DEPDC5: variants seen among roughly 807,000 people sequenced by gnomAD.
DEPDC5 encodes DEP domain containing 5, GATOR1 subcomplex subunit.
In DEPDC5, 73 loss-of-function variants were observed where a neutral mutation model predicts 217.3. The observed-to-expected ratio is 0.34, with a 90% CI of 0.28 to 0.41. The LOEUF (loss-of-function observed/expected upper bound fraction) is 0.41. DEPDC5 is among the 10% of genes least tolerant of loss of function. DEPDC5 has a pLI of 1.00. For synonymous variants in DEPDC5, 733 were observed against 756.7 expected (o/e 0.97, Z 0.51); for missense variants, 1,675 against 2,070.1 (o/e 0.81, Z 3.70).
chr22:31,764,560 C>T (rs1234580895), intron 4 of DEPDC5, among the ~76,000 whole-genome samples: 3 of 151,984 alleles, frequency 2.0e-5, no homozygotes, highest in East Asian at 1.9e-4. Flanking sequence ...GGATTACAGG[C>T]GCCCACCATC....
chr22:31,780,185 A>T (rs2148352884), intron 8 of DEPDC5, among the ~76,000 whole-genome samples: 1 of 152,284 alleles, frequency 6.6e-6, no homozygotes, highest in Non-Finnish European at 1.5e-5. Flanking sequence ...CTAGCAAGAA[A>T]ATGGTGGTGT....
chr22:31,834,705 C>T (rs1350527579), intron 25 of DEPDC5, among the ~76,000 whole-genome samples: 2 of 152,038 alleles, frequency 1.3e-5, no homozygotes, highest in East Asian at 1.9e-4. Flanking sequence ...TTAGTAGAGA[C>T]GGGGTTTCAC....
intron 38 of DEPDC5, among the ~76,000 whole-genome samples, chr22:31,886,576 A>G (rs750339532): frequency 6.6e-6 from 1 of 151,808 alleles, no homozygotes; most frequent in Non-Finnish European, 1.5e-5. Flanking sequence ...CCTGGCCAAC[A>G]TGGTGAAACC....
intron 24 of DEPDC5, among the ~76,000 whole-genome samples, chr22:31,830,871 C>T (rs1387801309): frequency 6.6e-6 from 1 of 151,714 alleles, no homozygotes; most frequent in East Asian, 1.9e-4. Flanking sequence ...AATGAGCAAA[C>T]TTGGCAGCCA....
At chr22:31,809,476 G>A (rs2087982336) in intron 18 of DEPDC5, 135 bp from the exon 19 acceptor site, 2 of 843,056 alleles carry the variant, frequency 2.4e-6, no homozygotes, top group Non-Finnish European at 3.9e-6. Context: ...TGGTAGGTAG[G>A]TGTCAGATGT....
chr22:31,834,049 C>G (rs756436469), intron 25 of DEPDC5, 69 bp downstream of exon 25: 1 of 1,483,132 alleles, frequency 6.7e-7, no homozygotes, highest in South Asian at 1.1e-5. Context: ...CATGAGGAAA[C>G]AAGAGGAAGC....
At chr22:31,831,173 T>A (rs1452315873) in intron 24 of DEPDC5, 1 of 152,142 alleles carries the variant, frequency 6.6e-6, no homozygotes, top group African/African-American at 2.4e-5. Context: ...ATCTGTAAAG[T>A]TGAGCAGAAA....
At chr22:31,756,158 C>T (rs955846759) in intron 2 of DEPDC5, among the ~76,000 whole-genome samples, 4 of 151,470 alleles carry the variant, frequency 2.6e-5, no homozygotes, top group East Asian at 1.9e-4. Flanking sequence ...GCTAGGATTA[C>T]AGGCAAGAGC....
At chr22:31,879,045 T>A (rs13056191) in intron 37 of DEPDC5, among the ~76,000 whole-genome samples, 32,810 of 91,220 alleles carry the variant, frequency 0.36, 5,854 homozygotes, top group African/African-American at 0.55. Flanking sequence ...AAAAAAAAAA[T>A]ATATATATAT....
At chr22:31,809,485 G>A (rs1236455375) in intron 18 of DEPDC5, 126 bp from the exon 19 acceptor site, 2 of 995,494 alleles carry the variant, frequency 2.0e-6, no homozygotes, top group Admixed American at 1.9e-5. Flanking sequence ...GGTGTCAGAT[G>A]TTAGCTCCTG....
rs1056782879 is a variant in DEPDC5 at position 31,801,906 on chromosome 22, A to C, written c.947-798A>C. ...GGAATATCACTGATTTTTCATAGTAAGAATCATAGAGGCTAGAAATAAAAA... is the reference window on the plus strand; with the variant it reads ...GGAATATCACTGATTTTTCATAGTACGAATCATAGAGGCTAGAAATAAAAA... On this transcript the variant is annotated intron_variant, in intron 14 of 42. Coordinates refer to ENST00000651528, the MANE Select transcript of DEPDC5 (RefSeq NM_001242896.3). 2.0e-5 allele frequency among the ~76,000 whole-genome samples: 3 copies of C among 152,016 alleles called. No individual in the cohort carries two copies. In the East Asian group the frequency reaches 5.8e-4, roughly 29 times the overall value.
intron 5 of DEPDC5, among the ~76,000 whole-genome samples, chr22:31,765,448 C>T (rs544464151): frequency 8.5e-5 from 13 of 152,212 alleles, no homozygotes; most frequent in African/African-American, 3.1e-4. Flanking sequence ...CACCACCGCA[C>T]CCAGCTAATT....
chr22:31,808,560 G>A (rs868147058), intron 18 of DEPDC5, among the ~76,000 whole-genome samples: 7 of 152,256 alleles, frequency 4.6e-5, no homozygotes, highest in Middle Eastern at 6.8e-3. Context: ...TCAGCCTCCA[G>A]AGAAGCTGGG....
intron 7 of DEPDC5, among the ~76,000 whole-genome samples, chr22:31,773,218 TC>T (rs1278645378): frequency 6.6e-6 from 1 of 152,184 alleles, no homozygotes; most frequent in Non-Finnish European, 1.5e-5. Context: ...GAGATGGGCT[TC>T]CTCTATCGCC....
chr22:31,768,539 T>C (rs1601666984), intron 6 of DEPDC5, among the ~76,000 whole-genome samples: 1 of 152,226 alleles, frequency 6.6e-6, no homozygotes, highest in Non-Finnish European at 1.5e-5. Flanking sequence ...AGGATATTTG[T>C]AAAGCTGGTC....
intron 37 of DEPDC5, among the ~76,000 whole-genome samples, chr22:31,877,935 C>G (rs2093051122): frequency 6.6e-6 from 1 of 152,030 alleles, no homozygotes; most frequent in African/African-American, 2.4e-5. Context: ...CGCCTGTAAT[C>G]TCAGCACTTT....
chr22:31,876,593 C>G (rs2092997801), intron 37 of DEPDC5, among the ~76,000 whole-genome samples: 1 of 152,090 alleles, frequency 6.6e-6, no homozygotes, highest in Non-Finnish European at 1.5e-5. Context: ...CCCACCCAGC[C>G]CAGGTGGTTC....
chr22:31,861,020 G>A (rs1287193727), intron 32 of DEPDC5, among the ~76,000 whole-genome samples: 1 of 152,072 alleles, frequency 6.6e-6, no homozygotes, highest in Admixed American at 6.6e-5. Flanking sequence ...GAGCATCCAA[G>A]CCACACTCTG....
intron 21 of DEPDC5, chr22:31,815,840 T>C (rs2089036190): frequency 1.7e-6 from 2 of 1,155,444 alleles, no homozygotes; most frequent in Admixed American, 8.6e-5. Context: ...CTGCCTCTAT[T>C]ATACTATTTT....
Sources: gnomAD v4.1 joint callset for allele counts (sites outside exome capture counted in the v4.1 genomes callset) on GRCh38, gnomAD v4.1.1 for gene constraint, MANE v1.5 for transcripts, NCBI Gene and HGNC (gene_info 2026-07-23, HGNC 2026-07-21) for gene names.